The following PRKAG2 variants were observed in gnomAD, a reference collection of about 807,000 sequenced individuals.
PRKAG2 encodes protein kinase AMP-activated non-catalytic subunit gamma 2.
Under a neutral mutation model 69.6 loss-of-function variants are expected in PRKAG2, and 26 were observed. The ratio of observed to expected loss-of-function variants is 0.37; its 90% CI spans 0.27 to 0.52. The LOEUF (loss-of-function observed/expected upper bound fraction) is 0.52, where lower values mean the gene tolerates loss of function less well. Ranked by LOEUF, PRKAG2 falls within the 20% of genes least tolerant of loss-of-function variation. The pLI is 0.90. For synonymous variants in PRKAG2, 293 were observed against 285.0 expected, an observed-to-expected ratio of 1.03 and a Z score of -0.28; for missense variants, 557 against 740.0, an observed-to-expected ratio of 0.75 and a Z score of 2.87.
rs1320771668 is a variant in PRKAG2, at chr7:151,780,279, C to A, written c.466+873G>T. Among the ~76,000 whole-genome samples, 1 of 152,212 alleles carries A rather than the reference C, an allele frequency of 6.6e-6. No homozygotes were observed. Among genetic ancestry groups the A allele is most frequent in the Admixed American group, 6.5e-5 (1 of 15,288 alleles). ...AAATTCCCCTCTTGCTGCCGCCTGGCCTTGCAGATATAAAGCGTTGCTCTA... is the reference window on the plus strand; with the variant it reads ...AAATTCCCCTCTTGCTGCCGCCTGGACTTGCAGATATAAAGCGTTGCTCTA... On this transcript the variant is annotated intron_variant, in intron 3 of 15. Transcript: ENST00000287878. The surrounding 1 kb of genome is among the most constrained non-coding windows in gnomAD (Gnocchi z 4.2).
chr7:151,576,201 A>G, intron 7 of PRKAG2, 170 bp downstream of exon 7: 1 of 717,566 alleles, frequency 1.4e-6, no homozygotes, highest in African/African-American at 1.8e-5. Context: ...TTGGCCTCCC[A>G]AAGTGCTGAG....
At chr7:151,706,518 C>T (rs556023876) in intron 3 of PRKAG2, among the ~76,000 whole-genome samples, 6 of 152,300 alleles carry the variant, frequency 3.9e-5, no homozygotes, top group African/African-American at 9.6e-5. Context: ...AGGAAGACAC[C>T]GAGATCTCCC....
Position 151,720,746 on chromosome 7 carries a change from T to C in PRKAG2, c.467-45109A>G, listed in dbSNP as rs561982566. Among the ~76,000 whole-genome samples the C allele has an allele frequency of 7.1e-3, 123 of 17,362 alleles. 2 individuals carry two copies. Among genetic ancestry groups the C allele is most frequent in the African/African-American group, 0.029 (114 of 3,906 alleles). 11.4% of individuals were successfully genotyped at this position (17,362 alleles called of 152,430 possible). ...AGAGAATGGAGGGGATGGAGGGGGA[T>C]GAAGGGGGCAGAGGGATGGAAAGGG... On this transcript the variant is annotated intron_variant, in intron 3 of 15. Transcript: ENST00000287878.
chr7:151,706,636 A>C (rs971027326), intron 3 of PRKAG2, among the ~76,000 whole-genome samples: 1 of 152,214 alleles, frequency 6.6e-6, no homozygotes, highest in African/African-American at 2.4e-5. Context: ...TTTTTATAGA[A>C]TTTCAAGCTG....
Position 151,777,689 on chromosome 7 carries a change from C to A in PRKAG2, c.466+3463G>T, listed in dbSNP as rs142815643. ...TCCATCCTGCATCCAGCCTCACAGG[C>A]TGGCTGGCTTTGCTCATTACCTGGG... On this transcript the variant is annotated intron_variant, in intron 3 of 15. Coordinates refer to ENST00000287878, the MANE Select transcript of PRKAG2 (RefSeq NM_016203.4). This position sits in a 1 kb window ranked among gnomAD's most constrained non-coding sequence, Gnocchi z 4.3. Among the ~76,000 whole-genome samples, 65 of 152,346 alleles carry A rather than the reference C, an allele frequency of 4.3e-4. No homozygotes were observed. Among genetic ancestry groups the A allele is most frequent in the African/African-American group, 1.6e-3 (65 of 41,594 alleles).
At position 151,632,482 on chromosome 7, in the gene PRKAG2, C is replaced by A. The variant is rs1014089536; in HGVS notation, c.685-344G>T. The stretch of plus-strand genomic sequence containing the variant: ...GCAGCGCCTGGGCCCGGGGCGCCCC[C>A]CTCCGGCCGTGGCCCGCGTCCTCCC... On this transcript the variant is annotated intron_variant, in intron 4 of 15. Transcript: ENST00000287878. This position sits in a 1 kb window ranked among gnomAD's most constrained non-coding sequence, Gnocchi z 4.2. 9 of 812,708 alleles carry A rather than the reference C, an allele frequency of 1.1e-5. No individual in the cohort carries two copies. Among genetic ancestry groups the A allele is most frequent in the African/African-American group, 7.4e-5 (4 of 53,734 alleles). The allele number at this position is 812,708 out of a possible 1,614,324, so 50.3% of individuals were successfully genotyped here. A position where few individuals can be genotyped will look rare whatever the true frequency, so the allele number is the denominator to read the frequency against.
chr7:151,764,487 C>T (rs1022200487), intron 3 of PRKAG2, among the ~76,000 whole-genome samples: 1 of 152,222 alleles, frequency 6.6e-6, no homozygotes, highest in African/African-American at 2.4e-5. Flanking sequence ...GGACCTGCTA[C>T]CCCCGCCCAG....
chr7:151,619,964 T>G (rs1821080078), intron 5 of PRKAG2, among the ~76,000 whole-genome samples: 1 of 152,158 alleles, frequency 6.6e-6, no homozygotes, highest in Non-Finnish European at 1.5e-5. Context: ...GAGGTTGCAG[T>G]GAGCCGAGAT....
At chr7:151,623,046 C>T (rs1019997540) in intron 5 of PRKAG2, among the ~76,000 whole-genome samples, 2 of 152,046 alleles carry the variant, frequency 1.3e-5, no homozygotes, top group African/African-American at 4.8e-5. Context: ...AATTGTTCCA[C>T]CTCAGATCAT....
At chr7:151,765,446 A>T (rs985842666) in intron 3 of PRKAG2, among the ~76,000 whole-genome samples, 1 of 152,176 alleles carries the variant, frequency 6.6e-6, no homozygotes, top group Admixed American at 6.5e-5. Context: ...ATTCAACAGG[A>T]GATTCGGGTG....
At position 151,814,736 on chromosome 7, in the gene PRKAG2, G is replaced by A; in HGVS notation, c.115-28195C>T. The A allele has an allele frequency of 8.1e-7, 1 of 1,231,766 alleles. No individual in the cohort carries two copies. The highest frequency in any genetic ancestry group is 1.0e-6 in the Non-Finnish European group (1 of 987,972). 76.3% of individuals were successfully genotyped at this position (1,231,766 alleles called of 1,614,324 possible). Reference sequence around the variant, plus strand: ...AGACAGCATGGGCTGGCCTAAGACAGCGCAGGCAACGGTCTTGGTGGCTGG... The same window carrying A: ...AGACAGCATGGGCTGGCCTAAGACAACGCAGGCAACGGTCTTGGTGGCTGG... On this transcript the variant is annotated intron_variant, in intron 1 of 15. Coordinates refer to ENST00000287878, the MANE Select transcript of PRKAG2 (RefSeq NM_016203.4). The surrounding 1 kb of genome is among the most constrained non-coding windows in gnomAD (Gnocchi z 4.8).
intron 4 of PRKAG2, among the ~76,000 whole-genome samples, chr7:151,658,985 G>C (rs528289843): frequency 6.6e-6 from 1 of 152,322 alleles, no homozygotes; most frequent in East Asian, 1.9e-4. Flanking sequence ...AGTATTGCTG[G>C]TACTGTGTTG....
intron 1 of PRKAG2, among the ~76,000 whole-genome samples, chr7:151,857,642 A>T (rs1410111173): frequency 6.6e-6 from 1 of 152,164 alleles, no homozygotes; most frequent in Non-Finnish European, 1.5e-5. Context: ...CATCTGTAGA[A>T]TGGGGACAAT....
Position 151,782,429 on chromosome 7 carries a change from GAAA to G in PRKAG2, c.187-1001_187-999del, listed in dbSNP as rs1487097041. 2.9e-3 allele frequency among the ~76,000 whole-genome samples: 178 copies of G among 60,466 alleles called. 1 individual carries two copies. The East Asian group carries it at 0.044, about 15-fold the overall frequency. 39.7% of individuals were successfully genotyped at this position (60,466 alleles called of 152,430 possible). The stretch of plus-strand genomic sequence containing the variant: ...GGAAGGAAGGAAGGAAGGAAGGAAA[GAAA>G]GAAGGAAAGAAGGAAGTTAACAAAG... On this transcript the variant is annotated intron_variant, in intron 2 of 15. Coordinates refer to ENST00000287878, the MANE Select transcript of PRKAG2 (RefSeq NM_016203.4).
rs1048081802 is a variant in PRKAG2 at position 151,807,829 on chromosome 7, A to G, written c.115-21288T>C. Among the ~76,000 whole-genome samples the G allele has an allele frequency of 1.4e-4, 22 of 152,278 alleles. No individual in the cohort carries two copies. The highest frequency in any genetic ancestry group is 5.3e-4 in the African/African-American group (22 of 41,554). ...AAGACCCAAAAGGCATAGGGGAGAG[A>G]AGAGATAAATCTGGATGCGGTGGAG... On this transcript the variant is annotated intron_variant, in intron 1 of 15. Coordinates refer to ENST00000287878, the MANE Select transcript of PRKAG2 (RefSeq NM_016203.4). This position sits in a 1 kb window ranked among gnomAD's most constrained non-coding sequence, Gnocchi z 4.4.
In PRKAG2 at chr7:151,764,222, G is replaced by A. The variant is rs763848183; in HGVS notation, c.466+16930C>T. Among the ~76,000 whole-genome samples, 12 of 152,266 alleles carry A rather than the reference G, an allele frequency of 7.9e-5. No individual in the cohort carries two copies. In the South Asian group the frequency reaches 1.7e-3, roughly 21 times the overall value. ...TGATGGAAACATCTGTGCAGCAGCCGCTTTGACAGATCTGCAATCACAGCT... is the reference window on the plus strand; with the variant it reads ...TGATGGAAACATCTGTGCAGCAGCCACTTTGACAGATCTGCAATCACAGCT... On this transcript the variant is annotated intron_variant, in intron 3 of 15. Transcript: ENST00000287878.
intron 3 of PRKAG2, among the ~76,000 whole-genome samples, chr7:151,681,075 C>G (rs1376161086): frequency 6.6e-6 from 1 of 152,178 alleles, no homozygotes; most frequent in Non-Finnish European, 1.5e-5. Context: ...CTCTTAAGAG[C>G]ACAAACCACG....
chr7:151,670,720 T>A lies in PRKAG2; in HGVS notation c.684+4700A>T, dbSNP rs189598080. On this transcript the variant is annotated intron_variant, in intron 4 of 15. Coordinates refer to ENST00000287878, the MANE Select transcript of PRKAG2 (RefSeq NM_016203.4). ...GTAGATATTCACTGACACCTTCCTA[T>A]GCATAATGCACGGAGCTGTTAATCA... Among the ~76,000 whole-genome samples, 7 of 152,362 alleles carry A rather than the reference T, an allele frequency of 4.6e-5. No homozygotes were observed. In the East Asian group the frequency reaches 1.3e-3, roughly 29 times the overall value.
intron 1 of PRKAG2, among the ~76,000 whole-genome samples, chr7:151,813,178 C>T (rs4595037): frequency 0.36 from 54,791 of 151,986 alleles, 10,202 homozygotes; most frequent in South Asian, 0.56. Flanking sequence ...TAGCAGTCCC[C>T]GAATTCTCGA....
Sources: gnomAD v4.1 joint callset for allele counts (sites outside exome capture counted in the v4.1 genomes callset) on GRCh38, gnomAD v4.1.1 for gene constraint, Gnocchi (gnomAD v3.1) non-coding constraint, MANE v1.5 for transcripts, NCBI Gene and HGNC (gene_info 2026-07-23, HGNC 2026-07-21) for gene names.